Variants in PPP3CA observed in about 807,000 individuals in gnomAD.
PPP3CA encodes the protein CAM-PRP catalytic subunit.
Under a neutral mutation model 66.5 loss-of-function variants are expected in PPP3CA, and 14 were observed. The observed-to-expected ratio is 0.21, with a 90% CI of 0.14 to 0.33. The LOEUF (loss-of-function observed/expected upper bound fraction) is 0.33. Ranked by LOEUF, PPP3CA falls within the 10% of genes least tolerant of loss-of-function variation. The pLI is 1.00. For missense variants in PPP3CA, 317 were observed against 639.5 expected (o/e 0.50, Z 5.44); for synonymous variants, 232 against 226.2 (o/e 1.03, Z -0.23).
chr4:101,073,247 G>C (rs2110233856), intron 8 of PPP3CA, among the ~76,000 whole-genome samples: 1 of 134,830 alleles, frequency 7.4e-6, no homozygotes, highest in Non-Finnish European at 1.7e-5. Context: ...GTGTGTGTGT[G>C]TGTGTGTATA....
At chr4:101,220,444 CAAAT>C (rs1418085261) in intron 1 of PPP3CA, among the ~76,000 whole-genome samples, 4 of 151,552 alleles carry the variant, frequency 2.6e-5, no homozygotes, top group Admixed American at 2.6e-4. Flanking sequence ...AAATGTCTCT[CAAAT>C]AACAGTATTA....
At chr4:101,077,820 A>G (rs1322605266) in intron 8 of PPP3CA, among the ~76,000 whole-genome samples, 5 of 145,784 alleles carry the variant, frequency 3.4e-5, no homozygotes, top group Non-Finnish European at 7.5e-5. Flanking sequence ...ATGCACTGGT[A>G]TCTGTTTTTT....
chr4:101,083,343 T>C (rs1481793320), intron 6 of PPP3CA, 80 bp from the exon 7 acceptor site: 12 of 1,192,946 alleles, frequency 1.0e-5, no homozygotes, highest in African/African-American at 1.5e-5. Context: ...CATCCAGATC[T>C]ATGTGACTGG....
chr4:101,253,478 A>G (rs1359385669), intron 1 of PPP3CA, among the ~76,000 whole-genome samples: 2 of 152,232 alleles, frequency 1.3e-5, no homozygotes, highest in East Asian at 3.9e-4. Flanking sequence ...AGCACCTTCA[A>G]GGGTTACATT....
At chr4:101,053,650 G>A (rs1381629568) in intron 10 of PPP3CA, among the ~76,000 whole-genome samples, 1 of 152,024 alleles carries the variant, frequency 6.6e-6, no homozygotes, top group Non-Finnish European at 1.5e-5. Flanking sequence ...TTACACGTCA[G>A]TTTTACTCAA....
chr4:101,226,343 C>T (rs28614035), intron 1 of PPP3CA, among the ~76,000 whole-genome samples: 6,851 of 151,692 alleles, frequency 0.045, 481 homozygotes, highest in African/African-American at 0.15. Context: ...AGTGACAAAA[C>T]AGGAAAAATG....
chr4:101,309,881 T>C (rs1348673252), intron 1 of PPP3CA, among the ~76,000 whole-genome samples: 2 of 152,354 alleles, frequency 1.3e-5, no homozygotes, highest in South Asian at 2.1e-4. Context: ...CATTCCCCTA[T>C]TTTAAAAAGA....
intron 2 of PPP3CA, among the ~76,000 whole-genome samples, chr4:101,173,221 G>A (rs1261828306): frequency 6.6e-6 from 1 of 152,134 alleles, no homozygotes; most frequent in Non-Finnish European, 1.5e-5. Context: ...GGTGAGGGGT[G>A]TAAGTGAAAT....
intron 2 of PPP3CA, among the ~76,000 whole-genome samples, chr4:101,192,027 C>T (rs1321702642): frequency 6.6e-6 from 1 of 152,150 alleles, no homozygotes; most frequent in Non-Finnish European, 1.5e-5. Flanking sequence ...AAAACCTAAG[C>T]TCCCGGTCTG....
intron 1 of PPP3CA, among the ~76,000 whole-genome samples, chr4:101,294,941 G>C (rs1728151151): frequency 6.6e-6 from 1 of 152,056 alleles, no homozygotes; most frequent in African/African-American, 2.4e-5. Flanking sequence ...TTATACACAA[G>C]GTAAAGCTAT....
chr4:101,199,759 G>T (rs542810224), intron 1 of PPP3CA, among the ~76,000 whole-genome samples: 3 of 152,270 alleles, frequency 2.0e-5, no homozygotes, highest in East Asian at 3.9e-4. Context: ...ATTTTCAAGG[G>T]TCAATGACAT....
intron 1 of PPP3CA, among the ~76,000 whole-genome samples, chr4:101,286,289 G>A (rs1205833863): frequency 6.6e-6 from 1 of 152,102 alleles, no homozygotes; most frequent in Non-Finnish European, 1.5e-5. Context: ...GGAGGCCCAG[G>A]GGACCCCTGC....
At chr4:101,133,977 C>T (rs543060119) in intron 2 of PPP3CA, among the ~76,000 whole-genome samples, 1 of 152,156 alleles carries the variant, frequency 6.6e-6, no homozygotes, top group African/African-American at 2.4e-5. Flanking sequence ...ACAAACCTGA[C>T]AAAAAGAAGC....
chr4:101,228,277 TTAACTA>T (rs1187452520), intron 1 of PPP3CA, among the ~76,000 whole-genome samples: 2 of 151,804 alleles, frequency 1.3e-5, no homozygotes, highest in East Asian at 3.9e-4. Context: ...ACTCTGCTAT[TTAACTA>T]TAATAATTCT....
At chr4:101,152,264 T>A (rs1359397902) in intron 2 of PPP3CA, among the ~76,000 whole-genome samples, 1 of 152,220 alleles carries the variant, frequency 6.6e-6, no homozygotes, top group African/African-American at 2.4e-5. Flanking sequence ...AATCATATAG[T>A]ACTTTGATCT....
intron 1 of PPP3CA, among the ~76,000 whole-genome samples, chr4:101,336,752 G>C (rs780598128): frequency 2.0e-5 from 3 of 152,182 alleles, no homozygotes; most frequent in Non-Finnish European, 4.4e-5. Context: ...AAGCAGACTT[G>C]TCCAGGATGG....
At chr4:101,331,589 A>G (rs1729389489) in intron 1 of PPP3CA, among the ~76,000 whole-genome samples, 1 of 152,228 alleles carries the variant, frequency 6.6e-6, no homozygotes, top group Admixed American at 6.5e-5. Context: ...AGGGTTTCAG[A>G]GAAGTTTCAC....
At chr4:101,265,915 G>T (rs866123365) in intron 1 of PPP3CA, among the ~76,000 whole-genome samples, 7 of 152,104 alleles carry the variant, frequency 4.6e-5, no homozygotes, top group Admixed American at 1.3e-4. Flanking sequence ...CAGCTCACAT[G>T]CTCTACCTAG....
rs2110349772 is a variant in PPP3CA at position 101,347,113 on chromosome 4, A to AG, written c.-318dup. ...CGGTTCTTCTTTTATTCTTGGGGGAAGGGGGATGGGGAGGAGAAGCGCACA... is the reference window on the plus strand; with the variant it reads ...CGGTTCTTCTTTTATTCTTGGGGGAAGGGGGGATGGGGAGGAGAAGCGCACA... On this transcript the variant is annotated 5_prime_UTR_variant, in exon 1 of 14. Transcript: ENST00000394854. 2.1e-6 allele frequency: 1 copy of AG among 484,872 alleles called. No individual in the cohort carries two copies. The highest frequency in any genetic ancestry group is 2.1e-5 in the South Asian group (1 of 48,258). The allele number at this position is 484,872 out of a possible 1,614,324, so 30.0% of individuals were successfully genotyped here. A position where few individuals can be genotyped will look rare whatever the true frequency, so the allele number is the denominator to read the frequency against.
Sources: gnomAD v4.1 joint callset for allele counts (sites outside exome capture counted in the v4.1 genomes callset) on GRCh38, gnomAD v4.1.1 for gene constraint, MANE v1.5 for transcripts, NCBI Gene and HGNC (gene_info 2026-07-23, HGNC 2026-07-21) for gene names.